Variants in DGKD observed in about 807,000 individuals in gnomAD.
DGKD encodes DAG kinase delta.
A neutral mutation model predicts 154.4 loss-of-function variants in DGKD; 68 were observed. The observed-to-expected ratio is 0.44, with a 90% confidence interval of 0.36 to 0.54. The LOEUF (loss-of-function observed/expected upper bound fraction) is 0.54. Ranked by LOEUF, DGKD falls within the 20% of genes least tolerant of loss-of-function variation. The probability of loss-of-function intolerance (pLI) is 0.00; values close to 1 mark genes in which losing one functional copy is unlikely to be tolerated. For missense variants in DGKD, 1,343 were observed against 1,593.6 expected, an observed-to-expected ratio of 0.84 and a Z score of 2.68; for synonymous variants, 693 against 638.0, an observed-to-expected ratio of 1.09 and a Z score of -1.30.
chr2:233,455,334 G>C (rs1033906066), intron 19 of DGKD, among the ~76,000 whole-genome samples: 6 of 152,190 alleles, frequency 3.9e-5, no homozygotes, highest in Non-Finnish European at 7.3e-5. Flanking sequence ...GGGAGCGTGG[G>C]AGCCCCAAGG....
chr2:233,462,858 C>T (rs970438792), intron 26 of DGKD, 123 bp downstream of exon 26: 21 of 851,682 alleles, frequency 2.5e-5, no homozygotes, highest in East Asian at 9.9e-5. Context: ...AGGAATGGGC[C>T]GCAGAGGTCA....
rs183542960 is a variant in DGKD at position 233,471,384 on chromosome 2, C to T, written c.*1924C>T. 2 of 152,526 alleles carry T rather than the reference C, an allele frequency of 1.3e-5. No individual in the cohort carries two copies. Among genetic ancestry groups the T allele is most frequent in the Non-Finnish European group, 1.5e-5 (1 of 68,082 alleles). The allele number at this position is 152,526 out of a possible 1,614,324, so 9.4% of individuals were successfully genotyped here. A position where few individuals can be genotyped will look rare whatever the true frequency, so the allele number is the denominator to read the frequency against. ...GGAGAAATAAGCCAGCCACGGCAGTCGCTTGGTTTCCCAGGTGGAATGGGC... is the reference window on the plus strand; with the variant it reads ...GGAGAAATAAGCCAGCCACGGCAGTTGCTTGGTTTCCCAGGTGGAATGGGC... On this transcript the variant is annotated 3_prime_UTR_variant, in exon 30 of 30. Transcript: ENST00000264057.
chr2:233,432,189 T>A (rs929232307), intron 3 of DGKD, among the ~76,000 whole-genome samples: 11 of 98,966 alleles, frequency 1.1e-4, no homozygotes, highest in South Asian at 4.8e-4. Context: ...CAGGAGATCG[T>A]GACCATCCTG....
chr2:233,453,394 C>T (rs775314260), intron 18 of DGKD, among the ~76,000 whole-genome samples: 6 of 152,214 alleles, frequency 3.9e-5, no homozygotes, highest in African/African-American at 4.8e-5. Flanking sequence ...CGTTGGATCT[C>T]TCTCTTTTCC....
intron 3 of DGKD, among the ~76,000 whole-genome samples, chr2:233,397,842 G>C (rs537109507): frequency 8.6e-5 from 13 of 151,972 alleles, no homozygotes; most frequent in East Asian, 3.9e-4. Flanking sequence ...AGGTCAGAAG[G>C]GGGTGGAGTA....
intron 3 of DGKD, among the ~76,000 whole-genome samples, chr2:233,428,448 A>G (rs1002092438): frequency 2.0e-5 from 3 of 152,210 alleles, no homozygotes; most frequent in African/African-American, 7.2e-5. Context: ...GGGTCTCAGC[A>G]GTGTCAAATG....
chr2:233,372,010 C>T (rs1202227583), intron 1 of DGKD, among the ~76,000 whole-genome samples: 1 of 152,150 alleles, frequency 6.6e-6, no homozygotes, highest in Non-Finnish European at 1.5e-5. Context: ...TGGAACTCAT[C>T]TACATTTTAT....
intron 3 of DGKD, among the ~76,000 whole-genome samples, chr2:233,425,294 C>T (rs2062257136): frequency 6.6e-6 from 1 of 152,300 alleles, no homozygotes; most frequent in African/African-American, 2.4e-5. Flanking sequence ...TCACGCCATT[C>T]TCCTGCCTCA....
At chr2:233,469,123 CTG>C (rs1239533857) in intron 29 of DGKD, among the ~76,000 whole-genome samples, 2 of 152,336 alleles carry the variant, frequency 1.3e-5, no homozygotes, top group African/African-American at 4.8e-5. Flanking sequence ...GCTTTTAGGC[CTG>C]TGTTTTGTCT....
intron 19 of DGKD, among the ~76,000 whole-genome samples, chr2:233,455,706 C>T (rs961479482): frequency 3.9e-5 from 6 of 152,262 alleles, no homozygotes; most frequent in African/African-American, 1.2e-4. Flanking sequence ...AACCAAGCCA[C>T]GTGGCCCCCT....
At chr2:233,375,011 C>T (rs943295439) in intron 1 of DGKD, among the ~76,000 whole-genome samples, 2 of 152,180 alleles carry the variant, frequency 1.3e-5, no homozygotes, top group South Asian at 2.1e-4. Flanking sequence ...CAGATGGAGC[C>T]GGGCGTGGTG....
chr2:233,446,965 C>T (rs941102957), intron 12 of DGKD, among the ~76,000 whole-genome samples, 169 bp downstream of exon 12: 1 of 152,252 alleles, frequency 6.6e-6, no homozygotes, highest in Admixed American at 6.5e-5. Context: ...AGGATTCTCA[C>T]TCCCCTTGGC....
At chr2:233,395,565 T>G (rs1292981108) in intron 3 of DGKD, among the ~76,000 whole-genome samples, 2 of 142,246 alleles carry the variant, frequency 1.4e-5, no homozygotes, top group Non-Finnish European at 3.3e-5. Context: ...TTCTTTTTCC[T>G]TTCTTTTCTT....
chr2:233,424,074 G>A (rs571198369), intron 3 of DGKD, among the ~76,000 whole-genome samples: 1 of 152,114 alleles, frequency 6.6e-6, no homozygotes, highest in Non-Finnish European at 1.5e-5. Flanking sequence ...TGAAGAGGGG[G>A]TCCATTCAGA....
chr2:233,399,064 GATTA>G (rs2125475724), intron 3 of DGKD, among the ~76,000 whole-genome samples: 1 of 152,304 alleles, frequency 6.6e-6, no homozygotes, highest in South Asian at 2.1e-4. Flanking sequence ...TTTGATGAAG[GATTA>G]ATTTTTATTG....
intron 3 of DGKD, among the ~76,000 whole-genome samples, chr2:233,432,124 G>T (rs1022574917): frequency 4.9e-5 from 7 of 143,870 alleles, no homozygotes; most frequent in Non-Finnish European, 7.4e-5. Flanking sequence ...AGGCGTGGTG[G>T]CTCATGCCTG....
At chr2:233,462,569 A>G (rs1165031958) in intron 25 of DGKD, 74 bp from the exon 26 acceptor site, 13 of 1,537,328 alleles carry the variant, frequency 8.5e-6, no homozygotes, top group African/African-American at 1.4e-5. Flanking sequence ...CGGCCCTCCC[A>G]GTGCTTGTTC....
chr2:233,392,472 A>T (rs546262820), intron 3 of DGKD: 1 of 152,312 alleles, frequency 6.6e-6, no homozygotes, highest in Admixed American at 6.5e-5. Flanking sequence ...TTTGGGTGAG[A>T]ATGTAGCCTT....
intron 24 of DGKD, among the ~76,000 whole-genome samples, chr2:233,461,525 G>A (rs574107764): frequency 3.3e-5 from 5 of 152,274 alleles, no homozygotes; most frequent in South Asian, 4.1e-4. Context: ...GTGCCACTGC[G>A]GCCCCTGTCC....
Sources: allele counts gnomAD v4.1 joint callset (sites outside exome capture counted in the v4.1 genomes callset), GRCh38; gene constraint gnomAD v4.1.1; transcripts MANE v1.5; gene names NCBI Gene and HGNC (gene_info 2026-07-23, HGNC 2026-07-21).